Variants in TMEM132C observed in about 807,000 individuals in gnomAD.
TMEM132C encodes transmembrane protein 132C.
Under a neutral mutation model 61.4 loss-of-function variants are expected in TMEM132C, and 29 were observed. The ratio of observed to expected loss-of-function variants is 0.47; its 90% CI spans 0.35 to 0.64. The LOEUF (loss-of-function observed/expected upper bound fraction) is 0.64. Ranked by LOEUF, TMEM132C falls within the 30% of genes least tolerant of loss-of-function variation. The pLI is 0.00. For missense variants in TMEM132C, 1,408 were observed against 1,476.9 expected (o/e 0.95, Z 0.76); for synonymous variants, 656 against 633.1 (o/e 1.04, Z -0.54).
chr12:128,343,174 C>T (rs1161796567), intron 1 of TMEM132C, among the ~76,000 whole-genome samples: 1 of 152,052 alleles, frequency 6.6e-6, no homozygotes, highest in Non-Finnish European at 1.5e-5. Flanking sequence ...GCCTGTAATC[C>T]CAGCACTTTG....
At chr12:128,565,867 A>G (rs1163557031) in intron 3 of TMEM132C, among the ~76,000 whole-genome samples, 1 of 151,030 alleles carries the variant, frequency 6.6e-6, no homozygotes, top group Non-Finnish European at 1.5e-5. Context: ...AATATAATCT[A>G]AATAGGTGAA....
chr12:128,385,548 C>T (rs1276741044), intron 1 of TMEM132C, among the ~76,000 whole-genome samples: 3 of 152,154 alleles, frequency 2.0e-5, no homozygotes, highest in Admixed American at 6.5e-5. Flanking sequence ...ATGTGAGGGC[C>T]GCTATAAGAG....
chr12:128,359,723 G>A (rs548821491), intron 1 of TMEM132C, among the ~76,000 whole-genome samples: 48 of 152,174 alleles, frequency 3.2e-4, no homozygotes, highest in African/African-American at 5.1e-4. Context: ...TGAGTGTGGC[G>A]TCTAGATAAA....
intron 2 of TMEM132C, among the ~76,000 whole-genome samples, chr12:128,525,338 CTCTCTT>C (rs1473129871): frequency 7.1e-6 from 1 of 141,664 alleles, no homozygotes; most frequent in East Asian, 2.0e-4. Context: ...CTCTCTCTCT[CTCTCTT>C]TCTCTCTCTC....
intron 4 of TMEM132C, among the ~76,000 whole-genome samples, chr12:128,627,863 G>A (rs768244774): frequency 6.6e-6 from 1 of 152,156 alleles, no homozygotes; most frequent in African/African-American, 2.4e-5. Context: ...GCCAAAAATG[G>A]CTGTGAAACT....
At chr12:128,275,718 G>A (rs1300414603) in intron 1 of TMEM132C, among the ~76,000 whole-genome samples, 1 of 152,118 alleles carries the variant, frequency 6.6e-6, no homozygotes, top group East Asian at 1.9e-4. Context: ...TTTATAGGAT[G>A]GTTGACAATA....
At chr12:128,464,861 C>G (rs1327134315) in intron 2 of TMEM132C, among the ~76,000 whole-genome samples, 1 of 150,712 alleles carries the variant, frequency 6.6e-6, no homozygotes, top group South Asian at 2.1e-4. Context: ...GAAGAGCAGA[C>G]CTGCAAGGCT....
intron 1 of TMEM132C, among the ~76,000 whole-genome samples, chr12:128,321,736 A>T (rs998446907): frequency 2.0e-5 from 3 of 152,230 alleles, no homozygotes; most frequent in African/African-American, 7.2e-5. Context: ...AGATGTCATT[A>T]TTGGGAGAAA....
intron 1 of TMEM132C, among the ~76,000 whole-genome samples, chr12:128,334,076 C>T (rs992906552): frequency 5.3e-5 from 8 of 152,100 alleles, no homozygotes; most frequent in Non-Finnish European, 1.5e-5. Context: ...GATGCTCTCC[C>T]TTCTCTGGTT....
chr12:128,582,739 T>G (rs913260434), intron 3 of TMEM132C, among the ~76,000 whole-genome samples: 2 of 152,178 alleles, frequency 1.3e-5, no homozygotes, highest in Non-Finnish European at 2.9e-5. Flanking sequence ...TCTGGAACTG[T>G]AAGTCCAATT....
At chr12:128,620,517 C>G (rs117490100) in intron 4 of TMEM132C, among the ~76,000 whole-genome samples, 185 of 152,302 alleles carry the variant, frequency 1.2e-3, no homozygotes, top group Non-Finnish European at 2.2e-3. Context: ...CATGGACTTT[C>G]TTCCTACTGC....
rs938922062 is a variant in TMEM132C at position 128,570,883 on chromosome 12, T to C, written c.1121+26780T>C. Among the ~76,000 whole-genome samples, 2 of 152,192 alleles carry C rather than the reference T, an allele frequency of 1.3e-5. No homozygotes were observed. Among genetic ancestry groups the C allele is most frequent in the African/African-American group, 4.8e-5 (2 of 41,450 alleles). On this transcript the variant is annotated intron_variant, in intron 3 of 8. Coordinates refer to ENST00000435159, the MANE Select transcript of TMEM132C (RefSeq NM_001136103.3). The surrounding 1 kb of genome is among the most constrained non-coding windows in gnomAD (Gnocchi z 4.7). ...ATATCTCATGGCTGAATGGGACCCG[T>C]AGAGCCACTCCTAGCAATAAGGAAG...
intron 4 of TMEM132C, among the ~76,000 whole-genome samples, chr12:128,645,366 C>T (rs557984549): frequency 2.6e-5 from 4 of 152,304 alleles, no homozygotes; most frequent in South Asian, 2.1e-4. Flanking sequence ...GGCATCCCCT[C>T]GCCAGCATCT....
chr12:128,369,955 T>C (rs1447474485), intron 1 of TMEM132C, among the ~76,000 whole-genome samples: 1 of 152,256 alleles, frequency 6.6e-6, no homozygotes, highest in African/African-American at 2.4e-5. Context: ...CAAACATTAG[T>C]ATGGGTTTAA....
chr12:128,703,018 T>C (rs1954814253), intron 8 of TMEM132C, among the ~76,000 whole-genome samples: 1 of 152,194 alleles, frequency 6.6e-6, no homozygotes, highest in Non-Finnish European at 1.5e-5. Context: ...TAAAATGGGC[T>C]CTGGCAGTGG....
intron 2 of TMEM132C, among the ~76,000 whole-genome samples, chr12:128,523,823 A>G (rs1215970305): frequency 5.3e-5 from 8 of 151,438 alleles, no homozygotes; most frequent in African/African-American, 1.9e-4. Context: ...AAAAAAAAAA[A>G]AAAAAGAGAC....
At chr12:128,372,866 A>G (rs1051680936) in intron 1 of TMEM132C, among the ~76,000 whole-genome samples, 2 of 152,184 alleles carry the variant, frequency 1.3e-5, no homozygotes, top group African/African-American at 2.4e-5. Flanking sequence ...TTGTACGTTT[A>G]AAACCAAGTA....
chr12:128,330,287 TTTGA>T (rs1336822743), intron 1 of TMEM132C, among the ~76,000 whole-genome samples: 1 of 152,228 alleles, frequency 6.6e-6, no homozygotes, highest in African/African-American at 2.4e-5. Flanking sequence ...TGGCCAACAA[TTTGA>T]TTGAGTAAAC....
intron 8 of TMEM132C, among the ~76,000 whole-genome samples, chr12:128,698,098 G>A (rs1050645993): frequency 5.3e-5 from 8 of 152,188 alleles, no homozygotes; most frequent in African/African-American, 9.6e-5. Flanking sequence ...CCTGTTCATC[G>A]CTCTATCCCC....
Sources: gnomAD v4.1 joint callset for allele counts (sites outside exome capture counted in the v4.1 genomes callset) on GRCh38, gnomAD v4.1.1 for gene constraint, Gnocchi (gnomAD v3.1) non-coding constraint, MANE v1.5 for transcripts, NCBI Gene and HGNC (gene_info 2026-07-23, HGNC 2026-07-21) for gene names.